The following GLIS1 variants were observed in gnomAD, a reference collection of about 807,000 sequenced individuals.
The protein encoded by GLIS1 is zinc finger protein GLIS1.
GLIS1 carries 24 observed loss-of-function variants against 63.8 expected under a neutral mutation model. The observed-to-expected ratio is 0.38, with a 90% CI of 0.27 to 0.53. The LOEUF (loss-of-function observed/expected upper bound fraction) is 0.53. Ranked by LOEUF, GLIS1 falls within the 20% of genes least tolerant of loss-of-function variation. GLIS1 has a pLI of 0.85. For synonymous variants in GLIS1, 450 were observed against 482.5 expected, an observed-to-expected ratio of 0.93 and a Z score of 0.88; for missense variants, 1,036 against 1,074.1, an observed-to-expected ratio of 0.96 and a Z score of 0.50.
chr1:53,518,089 C>A (rs1343020711), intron 7 of GLIS1, among the ~76,000 whole-genome samples: 3 of 152,220 alleles, frequency 2.0e-5, no homozygotes, highest in South Asian at 2.1e-4. Flanking sequence ...CAGCCATCTG[C>A]CCTGCGGCCT....
chr1:53,685,037 A>G (rs918774992), intron 2 of GLIS1, among the ~76,000 whole-genome samples: 1 of 152,176 alleles, frequency 6.6e-6, no homozygotes, highest in Admixed American at 6.5e-5. Context: ...AAGTCAGGGA[A>G]GGTTTCCTGG....
intron 4 of GLIS1, among the ~76,000 whole-genome samples, chr1:53,571,904 G>GA (rs1378103042): frequency 1.3e-5 from 2 of 152,080 alleles, no homozygotes; most frequent in African/African-American, 4.8e-5. Context: ...AATATTAAGT[G>GA]AAAAAACTGC....
At chr1:53,597,603 G>C (rs1414570768) in intron 3 of GLIS1, among the ~76,000 whole-genome samples, 2 of 152,148 alleles carry the variant, frequency 1.3e-5, no homozygotes, top group African/African-American at 4.8e-5. Context: ...AAGGTCCTGA[G>C]ATTGGGAGGG....
intron 2 of GLIS1, among the ~76,000 whole-genome samples, chr1:53,702,552 C>A (rs1460345743): frequency 2.6e-5 from 4 of 152,198 alleles, no homozygotes; most frequent in African/African-American, 9.7e-5. Flanking sequence ...CACCTGGCCA[C>A]AGGCCAGAGT....
intron 4 of GLIS1, among the ~76,000 whole-genome samples, chr1:53,548,390 C>T (rs1367564803): frequency 6.6e-6 from 1 of 152,228 alleles, no homozygotes; most frequent in African/African-American, 2.4e-5. Context: ...GACAGGGGCT[C>T]TCGGGGCAGG....
chr1:53,719,784 T>C (rs954661142), intron 2 of GLIS1, among the ~76,000 whole-genome samples: 1 of 152,112 alleles, frequency 6.6e-6, no homozygotes, highest in Non-Finnish European at 1.5e-5. Context: ...TGGAAAACAG[T>C]ATAAAGGTTC....
At chr1:53,661,888 G>A (rs1298750335) in intron 2 of GLIS1, among the ~76,000 whole-genome samples, 2 of 152,204 alleles carry the variant, frequency 1.3e-5, no homozygotes, top group African/African-American at 4.8e-5. Flanking sequence ...CAACAGGGAA[G>A]ATAAACTTCC....
At chr1:53,727,264 T>C (rs148312409) in intron 2 of GLIS1, among the ~76,000 whole-genome samples, 1 of 152,334 alleles carries the variant, frequency 6.6e-6, no homozygotes, top group African/African-American at 2.4e-5. Context: ...CTTTACAGTT[T>C]ACAAAGCCCA....
intron 8 of GLIS1, among the ~76,000 whole-genome samples, chr1:53,513,643 C>T (rs1644320492): frequency 6.6e-6 from 1 of 152,180 alleles, no homozygotes; most frequent in South Asian, 2.1e-4. Context: ...ACACCACTGG[C>T]CCCCTGTGTG....
At chr1:53,700,180 G>A (rs972033941) in intron 2 of GLIS1, among the ~76,000 whole-genome samples, 12 of 152,124 alleles carry the variant, frequency 7.9e-5, no homozygotes, top group Non-Finnish European at 1.5e-4. Flanking sequence ...CAAGGCCCTC[G>A]GCCTGGAGGA....
intron 2 of GLIS1, among the ~76,000 whole-genome samples, chr1:53,702,419 G>A (rs1007018514): frequency 3.3e-5 from 5 of 152,262 alleles, no homozygotes; most frequent in African/African-American, 1.2e-4. Flanking sequence ...ACATGAGCAT[G>A]AAGAAGCCTC....
At chr1:53,568,388 G>GT (rs1257132291) in intron 4 of GLIS1, among the ~76,000 whole-genome samples, 1 of 152,124 alleles carries the variant, frequency 6.6e-6, no homozygotes, top group Admixed American at 6.5e-5. Context: ...TAACAGGCTC[G>GT]TAGGTGGGAG....
intron 2 of GLIS1, among the ~76,000 whole-genome samples, chr1:53,681,542 C>G (rs1437280424): frequency 6.6e-6 from 1 of 152,252 alleles, no homozygotes; most frequent in Non-Finnish European, 1.5e-5. Context: ...CCAGGCTGGA[C>G]AGTCACAGGC....
At chr1:53,668,152 T>TTTAACAGCAGTA (rs1357051925) in intron 2 of GLIS1, among the ~76,000 whole-genome samples, 11 of 152,228 alleles carry the variant, frequency 7.2e-5, no homozygotes, top group African/African-American at 2.7e-4. Context: ...ACCTCAGAAC[T>TTTAACAGCAGTA]GATATTTTAA....
chr1:53,558,461 C>T (rs1644855057), intron 4 of GLIS1, among the ~76,000 whole-genome samples: 2 of 152,222 alleles, frequency 1.3e-5, no homozygotes, highest in South Asian at 4.1e-4. Flanking sequence ...GCTTTCCACC[C>T]TGGGCCCTAT....
At position 53,571,466 on chromosome 1, in the gene GLIS1, CA is replaced by C. The variant is rs1052152390; in HGVS notation, c.1320+22641del. ...TGTTTGTACTAGCAGAAAACTGAAA[CA>C]ACCCAAATGTCCATCAACAAGAGAA... On this transcript the variant is annotated intron_variant, in intron 4 of 10. Transcript: ENST00000628545. Among the ~76,000 whole-genome samples the C allele has an allele frequency of 4.6e-5, 7 of 152,302 alleles. No homozygotes were observed. In the East Asian group the frequency reaches 1.2e-3, roughly 25 times the overall value.
At chr1:53,641,988 T>C (rs1271232421) in intron 2 of GLIS1, among the ~76,000 whole-genome samples, 1 of 152,050 alleles carries the variant, frequency 6.6e-6, no homozygotes, top group Non-Finnish European at 1.5e-5. Context: ...CTGACAAGAG[T>C]GTCTGCTCCC....
At chr1:53,602,252 C>A (rs1402192598) in intron 2 of GLIS1, among the ~76,000 whole-genome samples, 2 of 152,166 alleles carry the variant, frequency 1.3e-5, no homozygotes, top group Non-Finnish European at 2.9e-5. Flanking sequence ...TGAGAGCAGG[C>A]TGCCGCTCAT....
In GLIS1 at chr1:53,609,513, C is replaced by A. The variant is rs534630693; in HGVS notation, c.260-9235G>T. On this transcript the variant is annotated intron_variant, in intron 2 of 10. Coordinates refer to ENST00000628545, the MANE Select transcript of GLIS1 (RefSeq NM_001367484.1). ...CTTGAACTCCTGACCTCATGATCCA[C>A]CTGCCTTGGCCTCCCAAAGTGTTGG... Among the ~76,000 whole-genome samples the A allele has an allele frequency of 4.5e-4, 68 of 152,282 alleles. 1 individual carries two copies. The highest frequency in any genetic ancestry group is 1.5e-3 in the African/African-American group (61 of 41,558).
Sources: gnomAD v4.1 joint callset for allele counts (sites outside exome capture counted in the v4.1 genomes callset) on GRCh38, gnomAD v4.1.1 for gene constraint, MANE v1.5 for transcripts, NCBI Gene and HGNC (gene_info 2026-07-23, HGNC 2026-07-21) for gene names.